Variants in MAP3K5 observed in about 807,000 individuals in gnomAD.
MAP3K5 encodes ASK-1.
Under a neutral mutation model 158.7 loss-of-function variants are expected in MAP3K5, and 56 were observed. That is an observed-to-expected ratio of 0.35 (90% confidence interval 0.28 to 0.44). MAP3K5 has a LOEUF of 0.44. Ranked by LOEUF, MAP3K5 falls within the 20% of genes least tolerant of loss-of-function variation. The probability of loss-of-function intolerance (pLI) is 1.00; values close to 1 mark genes in which losing one functional copy is unlikely to be tolerated. For synonymous variants in MAP3K5, 579 were observed against 601.7 expected (o/e 0.96, Z 0.55); for missense variants, 1,294 against 1,674.8 (o/e 0.77, Z 3.97).
At chr6:136,568,530 A>C (rs1284931910) in intron 25 of MAP3K5, among the ~76,000 whole-genome samples, 1 of 152,318 alleles carries the variant, frequency 6.6e-6, no homozygotes, top group East Asian at 1.9e-4. Context: ...CAATTTTCCA[A>C]CTTAAACATA....
chr6:136,700,731 A>T (rs1416872108), intron 3 of MAP3K5, among the ~76,000 whole-genome samples: 1 of 152,194 alleles, frequency 6.6e-6, no homozygotes, highest in Non-Finnish European at 1.5e-5. Context: ...AACATAAAAT[A>T]GTTTCAAGCC....
intron 6 of MAP3K5, 133 bp from the exon 7 acceptor site, chr6:136,694,443 G>T: frequency 1.4e-6 from 1 of 718,668 alleles, no homozygotes; most frequent in Non-Finnish European, 2.2e-6. Context: ...TAGATTTTGA[G>T]AGTCCTCTGT....
intron 25 of MAP3K5, chr6:136,579,918 A>G (rs930675178): frequency 2.0e-4 from 91 of 457,046 alleles, no homozygotes; most frequent in African/African-American, 1.5e-3. Flanking sequence ...CAATGCAACG[A>G]GCTATGCAAT....
intron 8 of MAP3K5, 121 bp from the exon 9 acceptor site, chr6:136,659,499 G>C: frequency 1.1e-6 from 1 of 907,028 alleles, no homozygotes; most frequent in Non-Finnish European, 1.7e-6. Flanking sequence ...GCTTTGTTAA[G>C]TTTCTGATTA....
chr6:136,779,640 C>G (rs1784536712), intron 1 of MAP3K5, among the ~76,000 whole-genome samples: 1 of 152,134 alleles, frequency 6.6e-6, no homozygotes, highest in East Asian at 1.9e-4. Context: ...ATATAAGGAC[C>G]TTTTTCCTTC....
intron 8 of MAP3K5, among the ~76,000 whole-genome samples, chr6:136,661,519 C>G (rs1779005060): frequency 6.6e-6 from 1 of 152,058 alleles, no homozygotes; most frequent in African/African-American, 2.4e-5. Flanking sequence ...CCTCAGCCTC[C>G]CAGGTAGCTG....
At chr6:136,568,471 TCTC>T (rs1180587279) in intron 25 of MAP3K5, among the ~76,000 whole-genome samples, 3 of 152,208 alleles carry the variant, frequency 2.0e-5, no homozygotes, top group Non-Finnish European at 1.5e-5. Flanking sequence ...TAGTGTGTGT[TCTC>T]CTCTAACCTG....
intron 7 of MAP3K5, among the ~76,000 whole-genome samples, chr6:136,692,911 G>A (rs1444816294): frequency 1.3e-5 from 2 of 151,966 alleles, no homozygotes; most frequent in African/African-American, 4.8e-5. Flanking sequence ...GGCCGAGATT[G>A]CACCACTACA....
intron 15 of MAP3K5, among the ~76,000 whole-genome samples, chr6:136,618,588 G>A (rs113600672): frequency 5.7e-4 from 87 of 152,334 alleles, no homozygotes; most frequent in African/African-American, 2.0e-3. Context: ...AAAGGTTAGT[G>A]AATTTGGCTG....
At chr6:136,782,004 C>T (rs1784631459) in intron 1 of MAP3K5, among the ~76,000 whole-genome samples, 1 of 150,914 alleles carries the variant, frequency 6.6e-6, no homozygotes, top group Non-Finnish European at 1.5e-5. Flanking sequence ...TTGCTTGAGC[C>T]CAGCAGTTCA....
chr6:136,671,747 C>T (rs1433380473), intron 7 of MAP3K5, among the ~76,000 whole-genome samples: 2 of 151,720 alleles, frequency 1.3e-5, no homozygotes, highest in Non-Finnish European at 2.9e-5. Context: ...CCGAGTAGCT[C>T]GGATTACAGG....
chr6:136,655,262 T>C (rs1675306979), intron 10 of MAP3K5, among the ~76,000 whole-genome samples: 1 of 152,352 alleles, frequency 6.6e-6, no homozygotes, highest in Non-Finnish European at 1.5e-5. Flanking sequence ...TTACTGCTAC[T>C]GAGAGCACCA....
intron 1 of MAP3K5, among the ~76,000 whole-genome samples, chr6:136,736,255 C>G (rs1260379384): frequency 6.6e-6 from 1 of 152,170 alleles, no homozygotes; most frequent in Non-Finnish European, 1.5e-5. Flanking sequence ...CTCTCACAGT[C>G]AGGATTCAAC....
intron 7 of MAP3K5, among the ~76,000 whole-genome samples, chr6:136,674,501 GT>G (rs1779618868): frequency 1.3e-5 from 2 of 151,736 alleles, no homozygotes; most frequent in African/African-American, 2.4e-5. Flanking sequence ...GTAATACTAA[GT>G]TAATAAAAAT....
chr6:136,714,787 A>C (rs1244245101), intron 2 of MAP3K5, among the ~76,000 whole-genome samples: 1 of 152,176 alleles, frequency 6.6e-6, no homozygotes, highest in Non-Finnish European at 1.5e-5. Context: ...CCGTATTATT[A>C]AAATTTGCTG....
At chr6:136,766,349 AG>A (rs1381412541) in intron 1 of MAP3K5, among the ~76,000 whole-genome samples, 84 of 152,390 alleles carry the variant, frequency 5.5e-4, no homozygotes, top group African/African-American at 1.8e-3. Context: ...TTTAAAAACC[AG>A]AATAGCTGGG....
In MAP3K5 at chr6:136,791,908, C is replaced by A. The variant is rs771259254; in HGVS notation, c.250G>T (p.Val84Phe). The part of the protein sequence containing the change: ...SSATRGRGSS[V>F]GGGSRRTTVA... The stretch of plus-strand genomic sequence containing the variant: ...GTGGTCCGTCGGCTGCCCCCGCCAA[C>A]AGAGCTGCCCCGGCCTCGGGTGGCA... Residue 84 changes from valine to phenylalanine, a missense_variant, in exon 1 of 30, where the codon GTT (valine) becomes TTT (phenylalanine). By Grantham distance (50) the Val-to-Phe change is conservative (BLOSUM62 -1). This residue lies in a region of MAP3K5 where 690 missense variants were observed against 870.5 expected (regional missense o/e 0.79). Coordinates refer to ENST00000359015, the MANE Select transcript of MAP3K5 (RefSeq NM_005923.4). 210 of 1,613,054 alleles carry A rather than the reference C, an allele frequency of 1.3e-4. No individual in the cohort carries two copies. The highest frequency in any genetic ancestry group is 1.7e-4 in the Non-Finnish European group (197 of 1,179,906).
At chr6:136,757,744 AC>A (rs766764289) in intron 1 of MAP3K5, among the ~76,000 whole-genome samples, 1 of 151,622 alleles carries the variant, frequency 6.6e-6, no homozygotes, top group Admixed American at 6.6e-5. Flanking sequence ...GCGCCACCAC[AC>A]CCAGCTATTT....
Position 136,601,966 on chromosome 6 carries a change from T to G in MAP3K5, c.2693A>C (p.Lys898Thr). Residue 898 changes from lysine (K) to threonine (T), a missense_variant, in exon 20 of 30, where the codon AAA becomes ACA. Transcript: ENST00000359015. ...GGACTCTGGGATCTCAGGGTGGACT[T>G]TAAACATTCCCACCTAAGACATAAA... ...QAAMFKVGMF[K>T]VHPEIPESMS... The G allele has an allele frequency of 6.2e-7, 1 of 1,613,450 alleles. No homozygotes were observed. The highest frequency in any genetic ancestry group is 8.5e-7 in the Non-Finnish European group (1 of 1,179,794).
Sources: allele counts gnomAD v4.1 joint callset (sites outside exome capture counted in the v4.1 genomes callset), GRCh38; gene constraint gnomAD v4.1.1; regional missense constraint gnomAD v4.1.1; transcripts MANE v1.5; gene names NCBI Gene and HGNC (gene_info 2026-07-23, HGNC 2026-07-21).